The following HSD11B1 variants were observed in gnomAD, a reference collection of about 807,000 sequenced individuals.
HSD11B1 encodes 11-beta-hydroxysteroid dehydrogenase 1.
In HSD11B1, 15 loss-of-function variants were observed where a neutral mutation model predicts 22.1. The observed-to-expected ratio is 0.68, with a 90% CI of 0.45 to 1.04. The LOEUF is 1.04. Among genes scored for constraint, HSD11B1 ranks in the 50% least tolerant of loss-of-function variants. The pLI is 0.00. For synonymous variants in HSD11B1, 122 were observed against 125.2 expected (o/e 0.97, Z 0.17); for missense variants, 281 against 357.6 (o/e 0.79, Z 1.73).
At chr1:209,732,345 G>A in intron 4 of HSD11B1, 91 bp from the exon 5 acceptor site, 1 of 1,371,494 alleles carries the variant, frequency 7.3e-7, no homozygotes, top group Non-Finnish European at 1.0e-6. Context: ...AGGGGTAAAA[G>A]GACACCATAG....
At chr1:209,719,274 T>C (rs937435180) in intron 4 of HSD11B1, among the ~76,000 whole-genome samples, 1 of 152,166 alleles carries the variant, frequency 6.6e-6, no homozygotes, top group Non-Finnish European at 1.5e-5. Context: ...GAGGACATCA[T>C]GCAAAGGGAA....
intron 4 of HSD11B1, among the ~76,000 whole-genome samples, chr1:209,721,041 A>G (rs1257945510): frequency 6.6e-6 from 1 of 152,178 alleles, no homozygotes; most frequent in Admixed American, 6.5e-5. Context: ...AAAGATGGAA[A>G]GTAGAGATTG....
chr1:209,701,297 A>G (rs532686563), upstream of HSD11B1, among the ~76,000 whole-genome samples: 14 of 152,314 alleles, frequency 9.2e-5, no homozygotes, highest in Admixed American at 8.5e-4. Flanking sequence ...CTTACATGGC[A>G]GTAGCAAGAG....
chr1:209,726,461 C>T (rs560043235), intron 4 of HSD11B1, among the ~76,000 whole-genome samples: 38 of 152,076 alleles, frequency 2.5e-4, no homozygotes, highest in African/African-American at 8.4e-4. Flanking sequence ...AATAAATTAG[C>T]CAAGCACAGT....
intron 1 of HSD11B1, among the ~76,000 whole-genome samples, chr1:209,690,999 A>G (rs536009095): frequency 6.6e-6 from 1 of 152,332 alleles, no homozygotes; most frequent in African/African-American, 2.4e-5. Flanking sequence ...AACCACAAAA[A>G]CAAAACTCAT....
chr1:209,726,015 T>G (rs961690668), intron 4 of HSD11B1, among the ~76,000 whole-genome samples: 1 of 152,160 alleles, frequency 6.6e-6, no homozygotes, highest in African/African-American at 2.4e-5. Context: ...CAACCTTATA[T>G]GCTTGCATAA....
At chr1:209,723,010 T>C (rs1043725540) in intron 4 of HSD11B1, among the ~76,000 whole-genome samples, 1 of 152,206 alleles carries the variant, frequency 6.6e-6, no homozygotes, top group African/African-American at 2.4e-5. Context: ...TTGCCAGTTC[T>C]CTGGCTCTTG....
chr1:209,734,839 GT>G lies in HSD11B1; in HGVS notation c.*319del, dbSNP rs2077057491. The G allele has an allele frequency of 6.2e-6, 1 of 160,818 alleles. No individual in the cohort carries two copies. The highest frequency in any genetic ancestry group is 1.4e-5 in the Non-Finnish European group (1 of 73,788). 10.0% of individuals were successfully genotyped at this position (160,818 alleles called of 1,614,324 possible). ...TAATACAATATTAATTATAATAAAG[GT>G]CACATAAACTTTATAAATTCATAAC... On this transcript the variant is annotated 3_prime_UTR_variant, in exon 6 of 6. Transcript: ENST00000367027.
At chr1:209,687,804 A>G (rs576134149) in intron 1 of HSD11B1, among the ~76,000 whole-genome samples, 31 of 152,356 alleles carry the variant, frequency 2.0e-4, no homozygotes, top group Non-Finnish European at 4.3e-4. Context: ...CCTGGCAGAA[A>G]TAGAAAGAAG....
chr1:209,707,334 T>C (rs1385260747), intron 4 of HSD11B1, among the ~76,000 whole-genome samples: 1 of 152,090 alleles, frequency 6.6e-6, no homozygotes, highest in Non-Finnish European at 1.5e-5. Flanking sequence ...ACTGAATTGT[T>C]TTCTACAAAG....
chr1:209,730,002 A>G (rs1049347008), intron 4 of HSD11B1, among the ~76,000 whole-genome samples: 4 of 152,238 alleles, frequency 2.6e-5, no homozygotes, highest in African/African-American at 9.6e-5. Context: ...GCCATACATG[A>G]CAAACCTATA....
chr1:209,725,420 A>G (rs542093868), intron 4 of HSD11B1, among the ~76,000 whole-genome samples: 1 of 152,300 alleles, frequency 6.6e-6, no homozygotes, highest in East Asian at 1.9e-4. Flanking sequence ...ATCAAGCAGA[A>G]TTTACAACCT....
At chr1:209,718,724 G>C (rs1245219961) in intron 4 of HSD11B1, among the ~76,000 whole-genome samples, 4 of 151,992 alleles carry the variant, frequency 2.6e-5, no homozygotes, top group African/African-American at 9.7e-5. Flanking sequence ...TCTATTTCTG[G>C]GTATATACAC....
At chr1:209,688,198 C>T (rs959198986) in intron 1 of HSD11B1, among the ~76,000 whole-genome samples, 2 of 152,128 alleles carry the variant, frequency 1.3e-5, no homozygotes, top group African/African-American at 4.8e-5. Context: ...TCCAAAATGC[C>T]ATGCTTTCTA....
At position 209,697,884 on chromosome 1, in the gene HSD11B1, C is replaced by CTTTTTTTTTTTTTTTTTTTTTTTTTTTTT. The variant is rs988076432; in HGVS notation, c.-48-7009_-48-6981dup. ...GAATGATTAATGGTTTTGTTTTTTCCTTTTTTTTTTTTTTTTTTTTTTTTT... is the reference window on the plus strand; with the variant it reads ...GAATGATTAATGGTTTTGTTTTTTCCTTTTTTTTTTTTTTTTTTTTTTTTTTTTTTTTTTTTTTTTTTTTTTTTTTTTTT... On this transcript the variant is annotated intron_variant, in intron 1 of 6. Coordinates refer to the HSD11B1 transcript ENST00000261465. Among the ~76,000 whole-genome samples the CTTTTTTTTTTTTTTTTTTTTTTTTTTTTT allele has an allele frequency of 2.2e-4, 9 of 41,606 alleles. 4 individuals are homozygous for CTTTTTTTTTTTTTTTTTTTTTTTTTTTTT. The highest frequency in any genetic ancestry group is 9.2e-4 in the Admixed American group (2 of 2,166). 27.3% of individuals were successfully genotyped at this position (41,606 alleles called of 152,430 possible). A position where few individuals can be genotyped will look rare whatever the true frequency, so the allele number is the denominator to read the frequency against.
At position 209,734,530 on chromosome 1, in the gene HSD11B1, T is replaced by G; in HGVS notation, c.*9T>G. On this transcript the variant is annotated 3_prime_UTR_variant, in exon 6 of 6. Transcript: ENST00000367027. ...GATTCATAAACAAGTAGGAACTCCC[T>G]GAGGGCTGGGCATGCTGAGGGATTT... The G allele has an allele frequency of 6.2e-7, 1 of 1,600,484 alleles. No homozygotes were observed. The highest frequency in any genetic ancestry group is 8.6e-7 in the Non-Finnish European group (1 of 1,168,522).
chr1:209,712,932 C>T (rs2076907463), intron 4 of HSD11B1, among the ~76,000 whole-genome samples: 1 of 152,046 alleles, frequency 6.6e-6, no homozygotes, highest in African/African-American at 2.4e-5. Flanking sequence ...GCCTGTAGTC[C>T]CAGCTACTTG....
intron 4 of HSD11B1, among the ~76,000 whole-genome samples, chr1:209,727,940 T>C (rs2077013782): frequency 1.3e-5 from 2 of 152,318 alleles, no homozygotes; most frequent in East Asian, 3.9e-4. Context: ...TGGTCACTTA[T>C]TTCAATTTAT....
intron 4 of HSD11B1, among the ~76,000 whole-genome samples, chr1:209,718,032 C>A (rs1287651334): frequency 6.6e-6 from 1 of 151,994 alleles, no homozygotes; most frequent in Non-Finnish European, 1.5e-5. Flanking sequence ...TATGAGGGAA[C>A]TAAAAAGGTT....
Sources: allele counts gnomAD v4.1 joint callset (sites outside exome capture counted in the v4.1 genomes callset), GRCh38; gene constraint gnomAD v4.1.1; transcripts MANE v1.5; gene names NCBI Gene and HGNC (gene_info 2026-07-23, HGNC 2026-07-21).